Variants in HERC4 observed in about 807,000 individuals in gnomAD.
The protein encoded by HERC4 is HECT and RLD domain containing E3 ubiquitin protein ligase 4, also known as probable E3 ubiquitin-protein ligase HERC4.
HERC4 carries 28 observed loss-of-function variants against 124.3 expected under a neutral mutation model. The observed-to-expected ratio is 0.23, with a 90% CI of 0.17 to 0.31. HERC4 has a LOEUF of 0.31. Among genes scored for constraint, HERC4 ranks in the 10% least tolerant of loss-of-function variants. The probability of loss-of-function intolerance (pLI) is 1.00; values close to 1 mark genes in which losing one functional copy is unlikely to be tolerated. For missense variants in HERC4, 713 were observed against 1,229.3 expected (o/e 0.58, Z 6.28); for synonymous variants, 407 against 421.5 (o/e 0.97, Z 0.42).
intron 9 of HERC4, among the ~76,000 whole-genome samples, chr10:68,007,227 G>C (rs991445084): frequency 2.0e-5 from 3 of 151,674 alleles, no homozygotes; most frequent in Non-Finnish European, 4.4e-5. Context: ...TCTTCTGCTT[G>C]ATCAATTCTG....
In HERC4 at chr10:67,937,810, T is replaced by C. The variant is rs1184344281; in HGVS notation, c.2572-1575A>G. 2.6e-5 allele frequency among the ~76,000 whole-genome samples: 4 copies of C among 151,346 alleles called. No homozygotes were observed. In the East Asian group the frequency reaches 5.9e-4, roughly 22 times the overall value. ...ATTCTCCTGCCTCAGCCTCCCCGAG[T>C]AGCTGGTACTACAGGTACGTGCCAC... On this transcript the variant is annotated intron_variant, in intron 21 of 24. Coordinates refer to ENST00000373700, the MANE Select transcript of HERC4 (RefSeq NM_015601.4).
intron 15 of HERC4, among the ~76,000 whole-genome samples, chr10:67,970,579 G>C (rs779911722): frequency 6.8e-6 from 1 of 147,266 alleles, no homozygotes. Context: ...GTGACAGAGC[G>C]AGACTCTGTC....
At chr10:67,950,047 CA>C (rs796673214) in intron 19 of HERC4, among the ~76,000 whole-genome samples, 2 of 148,956 alleles carry the variant, frequency 1.3e-5, no homozygotes, top group African/African-American at 2.5e-5. Flanking sequence ...AAACAAAAAA[CA>C]AAAAAAAAGG....
At chr10:67,943,499 C>A (rs2033085276) in intron 19 of HERC4, among the ~76,000 whole-genome samples, 1 of 152,198 alleles carries the variant, frequency 6.6e-6, no homozygotes, top group African/African-American at 2.4e-5. Flanking sequence ...CCAATACCCG[C>A]AATATCAGAG....
In HERC4 at chr10:67,944,963, G is replaced by A. The variant is rs548483261; in HGVS notation, c.2338-3858C>T. On this transcript the variant is annotated intron_variant, in intron 19 of 24. Coordinates refer to ENST00000373700, the MANE Select transcript of HERC4 (RefSeq NM_015601.4). ...GCACTCCTACAAGATCTAGAGAATCGCCTCAAAAGGGCAAATCTAAGAGTT... is the reference window on the plus strand; with the variant it reads ...GCACTCCTACAAGATCTAGAGAATCACCTCAAAAGGGCAAATCTAAGAGTT... Among the ~76,000 whole-genome samples, 13 of 152,250 alleles carry A rather than the reference G, an allele frequency of 8.5e-5. No homozygotes were observed. In the South Asian group the frequency reaches 1.0e-3, roughly 12 times the overall value.
intron 8 of HERC4, among the ~76,000 whole-genome samples, chr10:68,019,567 C>T (rs1384515541): frequency 6.6e-6 from 1 of 152,100 alleles, no homozygotes; most frequent in Non-Finnish European, 1.5e-5. Flanking sequence ...GAATCTGTTT[C>T]CCACCTAGAC....
In HERC4 at chr10:67,923,533, G is replaced by A. The variant is rs192516421; in HGVS notation, c.2942-394C>T. 6.3e-3 allele frequency among the ~76,000 whole-genome samples: 961 copies of A among 152,014 alleles called. 5 individuals carry two copies. The highest frequency in any genetic ancestry group is 9.6e-3 in the Admixed American group (147 of 15,258). On this transcript the variant is annotated intron_variant, in intron 24 of 24. Transcript: ENST00000373700. ...CGTTTCTGTTATTTTTTTTAAATCAGAAATTTATAATGGGCAGCCAAAATT... is the reference window on the plus strand; with the variant it reads ...CGTTTCTGTTATTTTTTTTAAATCAAAAATTTATAATGGGCAGCCAAAATT...
intron 19 of HERC4, among the ~76,000 whole-genome samples, chr10:67,945,903 T>TAGGAAGGA (rs374161271): frequency 6.8e-6 from 1 of 147,776 alleles, no homozygotes; most frequent in Admixed American, 6.7e-5. Context: ...AGGAATGGAA[T>TAGGAAGGA]AGGAAGGAAG....
chr10:67,960,714 T>TTGTG (rs2034458713), intron 16 of HERC4: 1 of 166,492 alleles, frequency 6.0e-6, no homozygotes, highest in Non-Finnish European at 1.3e-5. Flanking sequence ...ATTCTTGGAT[T>TTGTG]TGTGGTCCAC....
At chr10:68,007,386 G>A (rs182335535) in intron 9 of HERC4, among the ~76,000 whole-genome samples, 3 of 152,154 alleles carry the variant, frequency 2.0e-5, no homozygotes, top group Admixed American at 2.0e-4. Flanking sequence ...CAGTTTAGTT[G>A]AGATTTCTCA....
intron 16 of HERC4, chr10:67,966,469 A>G: frequency 2.3e-6 from 1 of 430,692 alleles, no homozygotes; most frequent in East Asian, 4.8e-5. Flanking sequence ...AGTGTAATCC[A>G]TTTCTTTGGT....
intron 19 of HERC4, among the ~76,000 whole-genome samples, chr10:67,952,560 C>A (rs2033868502): frequency 6.6e-6 from 1 of 151,752 alleles, no homozygotes; most frequent in Admixed American, 6.6e-5. Context: ...GTGTGAGCCA[C>A]TGGGCCCGGC....
chr10:68,000,576 CA>C (rs34603437), intron 9 of HERC4, among the ~76,000 whole-genome samples: 2,618 of 138,108 alleles, frequency 0.019, 79 homozygotes, highest in African/African-American at 0.068. Flanking sequence ...CAGACTGTCT[CA>C]AAAAAAAAAA....
In HERC4 at chr10:67,991,121, T is replaced by C. The variant is rs1320375816; in HGVS notation, c.1331+19A>G. On this transcript the variant is annotated intron_variant, in intron 12 of 24. Transcript: ENST00000373700. Reference sequence around the variant, plus strand: ...CAATAAATTTGAAAATTTCAGCATATTAAAGAATTGCCACTTACCTAACAG... The same window carrying C: ...CAATAAATTTGAAAATTTCAGCATACTAAAGAATTGCCACTTACCTAACAG... 9.3e-6 allele frequency: 14 copies of C among 1,502,162 alleles called. No homozygotes were observed. The highest frequency in any genetic ancestry group is 7.0e-5 in the African/African-American group (5 of 71,508). 93.1% of individuals were successfully genotyped at this position (1,502,162 alleles called of 1,614,324 possible).
rs2041615998 is a variant in HERC4, at chr10:68,072,360, TAGA to T, written c.226+520_226+522del. Among the ~76,000 whole-genome samples the T allele has an allele frequency of 6.6e-5, 10 of 152,164 alleles. No homozygotes were observed. The South Asian group carries it at 1.5e-3, about 22-fold the overall frequency. The stretch of plus-strand genomic sequence containing the variant: ...TAATAGCTAGCAATGCTACAGAAAG[TAGA>T]AGATGAGAGGAATAAAAGATATTTC... On this transcript the variant is annotated intron_variant, in intron 3 of 24. Coordinates refer to ENST00000373700, the MANE Select transcript of HERC4 (RefSeq NM_015601.4).
chr10:67,946,348 AACACACACACACAC>A (rs58692888), intron 19 of HERC4, among the ~76,000 whole-genome samples: 6,210 of 128,504 alleles, frequency 0.048, 164 homozygotes, highest in African/African-American at 0.07. Context: ...ATAAAACACA[AACACACACACACAC>A]ACACACACAC....
chr10:67,945,212 A>G (rs1323976505), intron 19 of HERC4, among the ~76,000 whole-genome samples: 1 of 128,390 alleles, frequency 7.8e-6, no homozygotes, highest in African/African-American at 2.6e-5. Context: ...CAGCAAGAGA[A>G]AAGAAACAAC....
chr10:68,018,381 A>G (rs149787760), intron 8 of HERC4, among the ~76,000 whole-genome samples: 2 of 152,326 alleles, frequency 1.3e-5, no homozygotes, highest in Admixed American at 1.3e-4. Context: ...TTAGTCTGAT[A>G]GAGGTTATCT....
Position 68,029,863 on chromosome 10 carries a change from C to CAG in HERC4, c.777+2914_777+2915insCT, listed in dbSNP as rs1176856835. On this transcript the variant is annotated intron_variant, in intron 7 of 24. Coordinates refer to ENST00000373700, the MANE Select transcript of HERC4 (RefSeq NM_015601.4). ...AAGCGATTCTCCTGCCTCAGCCTCC[C>CAG]GACTACCTGGGATTACAGGCGCCTG... 1.4e-3 allele frequency among the ~76,000 whole-genome samples: 210 copies of CAG among 151,242 alleles called. 1 individual carries two copies. The highest frequency in any genetic ancestry group is 4.7e-3 in the African/African-American group (195 of 41,360).
Sources: allele counts gnomAD v4.1 joint callset (sites outside exome capture counted in the v4.1 genomes callset), GRCh38; gene constraint gnomAD v4.1.1; transcripts MANE v1.5; gene names NCBI Gene and HGNC (gene_info 2026-07-23, HGNC 2026-07-21).